The following EPHB6 variants were observed in gnomAD, a reference collection of about 807,000 sequenced individuals.
The protein encoded by EPHB6 is ephrin type-B receptor 6.
A neutral mutation model predicts 107.0 loss-of-function variants in EPHB6; 51 were observed. That is an observed-to-expected ratio of 0.48 (90% CI 0.38 to 0.60). The LOEUF is 0.60. Among genes scored for constraint, EPHB6 ranks in the 20% least tolerant of loss-of-function variants. The probability of loss-of-function intolerance (pLI) is 0.00; values close to 1 mark genes in which losing one functional copy is unlikely to be tolerated. For synonymous variants in EPHB6, 553 were observed against 549.0 expected, an observed-to-expected ratio of 1.01 and a Z score of -0.10; for missense variants, 1,141 against 1,355.5, an observed-to-expected ratio of 0.84 and a Z score of 2.48.
In EPHB6 at chr7:142,868,537, G is replaced by A. The variant is rs148376834; in HGVS notation, c.2084G>A (p.Arg695Gln). ...VRQGRLQPRG[R>Q]REQTVAIQAL... ...CAGGGCCGCCTGCAGCCACGGGGAC[G>A]GAGGGAGCAGACTGTGGCCATCCAG... Residue 695 changes from arginine (R) to glutamine (Q), a missense_variant, in exon 15 of 20, where the codon CGG becomes CAG. Around this residue, in one of 3 missense-constraint regions of EPHB6, gnomAD observed 616 missense variants for 759.3 expected, o/e 0.81. Transcript: ENST00000652003. This position sits in a 1 kb window ranked among gnomAD's most constrained non-coding sequence, Gnocchi z 4.2. 73 of 1,613,642 alleles carry A rather than the reference G, an allele frequency of 4.5e-5. No homozygotes were observed. The highest frequency in any genetic ancestry group is 1.6e-4 in the Middle Eastern group (1 of 6,084).
In EPHB6 at chr7:142,866,648, G is replaced by A. The variant is rs750492171; in HGVS notation, c.1587+43G>A. On this transcript the variant is annotated intron_variant, in intron 10 of 19. Transcript: ENST00000652003. This position sits in a 1 kb window ranked among gnomAD's most constrained non-coding sequence, Gnocchi z 5.2. ...GGGTTCCGCAGTAGGGCTGGTAGGA[G>A]CTCATAGGCCTCACAGTGGGGCCCA... 3 of 1,613,420 alleles carry A rather than the reference G, an allele frequency of 1.9e-6. No individual in the cohort carries two copies. The South Asian group carries it at 3.3e-5, about 18-fold the overall frequency.
At position 142,865,484 on chromosome 7, in the gene EPHB6, G is replaced by A. The variant is rs756409968; in HGVS notation, c.959G>A (p.Arg320Gln). The A allele has an allele frequency of 1.8e-5, 29 of 1,612,886 alleles. No individual in the cohort carries two copies. Among genetic ancestry groups the A allele is most frequent in the Admixed American group, 5.0e-5 (3 of 59,992 alleles). ...RGDKACQACP[R>Q]GLYKASAGNA... Reference sequence around the variant, plus strand: ...TCCTCTGCCTCCTCAGCCTGCCCACGGGGGCTCTATAAGGCTTCTGCTGGG... The same window carrying A: ...TCCTCTGCCTCCTCAGCCTGCCCACAGGGGCTCTATAAGGCTTCTGCTGGG... The change falls in exon 8 of 20, where the codon CGG (arginine) becomes CAG (glutamine). Residue 320 changes from arginine to glutamine, a missense_variant. Physicochemically the swap from Arg to Gln is conservative, Grantham distance 43. Transcript: ENST00000652003.
At chr7:142,865,658 G>A (rs1162685717) in intron 8 of EPHB6, 28 bp downstream of exon 8, 1 of 1,610,724 alleles carries the variant, frequency 6.2e-7, no homozygotes, top group Non-Finnish European at 8.5e-7. Context: ...CCCTGCAATG[G>A]GAAAGAGACT....
chr7:142,860,139 C>G (rs1802779901), intron 1 of EPHB6, among the ~76,000 whole-genome samples: 1 of 152,170 alleles, frequency 6.6e-6, no homozygotes, highest in African/African-American at 2.4e-5. Flanking sequence ...TGAAATATTT[C>G]CAAAATATTT....
chr7:142,867,629 C>T lies in EPHB6; in HGVS notation c.1772C>T (p.Pro591Leu), dbSNP rs752774355. Residue 591 changes from proline to leucine, a missense_variant, in exon 12 of 20, where the codon CCA becomes CTA. Physicochemically the swap from Pro to Leu is moderately conservative, Grantham distance 98. Transcript: ENST00000652003. This position sits in a 1 kb window ranked among gnomAD's most constrained non-coding sequence, Gnocchi z 5.3. ...LPQGELSSQL[P>L]ERLSLVIGSI... ...CCAGGGGAGCTGTCTTCCCAGCTTC[C>T]AGAAAGACTCTCCTTGGTGATCGGC... The T allele has an allele frequency of 2.2e-5, 35 of 1,613,084 alleles. 1 individual carries two copies. The highest frequency in any genetic ancestry group is 2.7e-5 in the Non-Finnish European group (32 of 1,179,880).
In EPHB6 at chr7:142,866,592, G is replaced by A. The variant is rs2116450321; in HGVS notation, c.1574G>A (p.Arg525His). 1.2e-6 allele frequency: 2 copies of A among 1,614,036 alleles called. No individual in the cohort carries two copies. The highest frequency in any genetic ancestry group is 1.7e-6 in the Non-Finnish European group (2 of 1,180,026). The part of the protein sequence containing the change: ...TNGNILDYQL[R>H]YYDQAEDESH... ...GGGAACATCCTGGACTATCAGCTCC[G>A]CTACTATGACCAGGTGCGCAGGAGG... The change falls in exon 10 of 20, where the codon CGC becomes CAC. Residue 525 changes from arginine (R) to histidine (H), a missense_variant. By Grantham distance (29) the Arg-to-His change is conservative. Transcript: ENST00000652003. This position sits in a 1 kb window ranked among gnomAD's most constrained non-coding sequence, Gnocchi z 5.2.
In EPHB6 at chr7:142,866,750, C is replaced by T; in HGVS notation, c.1587+145C>T. On this transcript the variant is annotated intron_variant, in intron 10 of 19. Transcript: ENST00000652003. This position sits in a 1 kb window ranked among gnomAD's most constrained non-coding sequence, Gnocchi z 5.2. ...GAGCTCACAGTCCCCACAGTAGGGG[C>T]CAGAGGCTGAATGGGCAAGGAGAGG... 2 of 1,575,114 alleles carry T rather than the reference C, an allele frequency of 1.3e-6. No individual in the cohort carries two copies. Among genetic ancestry groups the T allele is most frequent in the East Asian group, 4.5e-5 (2 of 44,606 alleles).
rs1794650924 is a variant in EPHB6, at chr7:142,867,282, A to G, written c.1750+214A>G. 1 of 652,664 alleles carries G rather than the reference A, an allele frequency of 1.5e-6. No individual in the cohort carries two copies. 40.4% of individuals were successfully genotyped at this position (652,664 alleles called of 1,614,324 possible). On this transcript the variant is annotated intron_variant, in intron 11 of 19. Coordinates refer to ENST00000652003, the MANE Select transcript of EPHB6 (RefSeq NM_004445.6). The surrounding 1 kb of genome is among the most constrained non-coding windows in gnomAD (Gnocchi z 5.3). The stretch of plus-strand genomic sequence containing the variant: ...ATGTATGCATGTTGAGTGTGGATAT[A>G]GGAGGGCTGTGGGGATGTGTGTGTG...
In EPHB6 at chr7:142,867,148, T is replaced by C; in HGVS notation, c.1750+80T>C. The stretch of plus-strand genomic sequence containing the variant: ...GAGAGGCCCAGGGACTGTCCGGCCT[T>C]GAACCCTGGCCCCGTGCTTCCCAAC... On this transcript the variant is annotated intron_variant, in intron 11 of 19. Transcript: ENST00000652003. This position sits in a 1 kb window ranked among gnomAD's most constrained non-coding sequence, Gnocchi z 5.3. 1 of 1,531,340 alleles carries C rather than the reference T, an allele frequency of 6.5e-7. No homozygotes were observed. 94.9% of individuals were successfully genotyped at this position (1,531,340 alleles called of 1,614,324 possible).
chr7:142,868,079 C>T lies in EPHB6; in HGVS notation c.1918+30C>T, dbSNP rs1369441226. On this transcript the variant is annotated intron_variant, in intron 13 of 19. Coordinates refer to ENST00000652003, the MANE Select transcript of EPHB6 (RefSeq NM_004445.6). The surrounding 1 kb of genome is among the most constrained non-coding windows in gnomAD (Gnocchi z 4.2). ...GGATGAGGAGAGGAAATGGGTGGGGCTGGGGAACACATGGGTGGGGCACAT... is the reference window on the plus strand; with the variant it reads ...GGATGAGGAGAGGAAATGGGTGGGGTTGGGGAACACATGGGTGGGGCACAT... The T allele has an allele frequency of 6.2e-7, 1 of 1,611,714 alleles. No homozygotes were observed. The highest frequency in any genetic ancestry group is 1.3e-5 in the African/African-American group (1 of 74,980).
chr7:142,867,682 C>T lies in EPHB6; in HGVS notation c.1825C>T (p.Leu609=), dbSNP rs771247082. 1.2e-6 allele frequency: 2 copies of T among 1,613,484 alleles called. No homozygotes were observed. The highest frequency in any genetic ancestry group is 1.7e-6 in the Non-Finnish European group (2 of 1,179,948). Residue 609 remains leucine (L), a synonymous_variant, in exon 12 of 20, where the codon CTG becomes TTG. Transcript: ENST00000652003. This position sits in a 1 kb window ranked among gnomAD's most constrained non-coding sequence, Gnocchi z 5.3. The stretch of plus-strand genomic sequence containing the variant: ...CATCCTGGGGGCTTTGGCCTTCCTC[C>T]TGCTGGCAGCCATCACCGTGCTGGC... ...GSILGALAFL[L]LAAITVLAVV... is the part of the protein sequence containing the mutation.
In EPHB6 at chr7:142,866,849, G is replaced by C; in HGVS notation, c.1588-57G>C. 1 of 1,613,636 alleles carries C rather than the reference G, an allele frequency of 6.2e-7. No homozygotes were observed. On this transcript the variant is annotated intron_variant, in intron 10 of 19. Transcript: ENST00000652003. This position sits in a 1 kb window ranked among gnomAD's most constrained non-coding sequence, Gnocchi z 5.2. ...CAGGGAGGGTGGCTGGGGGCCTTAG[G>C]GGCAGAAGCAGGGGCAAGAGGGGGC...
In EPHB6 at chr7:142,869,212, C is replaced by T. The variant is rs1006479636; in HGVS notation, c.2460+65C>T. The T allele has an allele frequency of 1.5e-5, 23 of 1,565,740 alleles. No individual in the cohort carries two copies. The highest frequency in any genetic ancestry group is 2.3e-5 in the East Asian group (1 of 44,366). On this transcript the variant is annotated intron_variant, in intron 16 of 19. Coordinates refer to ENST00000652003, the MANE Select transcript of EPHB6 (RefSeq NM_004445.6). The surrounding 1 kb of genome is among the most constrained non-coding windows in gnomAD (Gnocchi z 4.5). ...GGCATGCCCCAGCAGGTGCTGGGGT[C>T]GGGGGTGAGCTGGAATCTGGGGTAG...
Position 142,866,437 on chromosome 7 carries a change from C to CA in EPHB6, c.1463-44_1463-43insA. 6.2e-7 allele frequency: 1 copy of CA among 1,613,564 alleles called. No individual in the cohort carries two copies. ...CCTCCCCTCAAGGCTGATCCTGCTC[C>CA]CAGGGACTCCTATCCCCATAATAAT... On this transcript the variant is annotated intron_variant, in intron 9 of 19. Transcript: ENST00000652003. This position sits in a 1 kb window ranked among gnomAD's most constrained non-coding sequence, Gnocchi z 5.2.
rs776275211 is a variant in EPHB6 at position 142,870,391 on chromosome 7, G to A, written c.2788G>A (p.Gly930Arg). 5.0e-6 allele frequency: 8 copies of A among 1,613,970 alleles called. No homozygotes were observed. Among genetic ancestry groups the A allele is most frequent in the African/African-American group, 4.0e-5 (3 of 74,926 alleles). ...IRKPDTLQAG[G>R]DPGERPSQAL... ...CAAGCCAGATACCCTGCAGGCTGGCGGGGACCCAGGGGAAAGGTCTGGAGC... is the reference window on the plus strand; with the variant it reads ...CAAGCCAGATACCCTGCAGGCTGGCAGGGACCCAGGGGAAAGGTCTGGAGC... The change falls in exon 18 of 20, where the codon GGG becomes AGG. Residue 930 changes from glycine (G) to arginine (R), a missense_variant. Physicochemically the swap from Gly to Arg is moderately radical, Grantham distance 125 (BLOSUM62 -2). Transcript: ENST00000652003.
At position 142,866,336 on chromosome 7, in the gene EPHB6, C is replaced by G; in HGVS notation, c.1462+20C>G. On this transcript the variant is annotated intron_variant, in intron 9 of 19. Coordinates refer to ENST00000652003, the MANE Select transcript of EPHB6 (RefSeq NM_004445.6). This position sits in a 1 kb window ranked among gnomAD's most constrained non-coding sequence, Gnocchi z 5.2. ...ATGAAGGTGAGCTCTTTTCCTTGGC[C>G]TTCAGGATCCCCTGCCTCCGCTCCT... 6.2e-7 allele frequency: 1 copy of G among 1,613,428 alleles called. No homozygotes were observed. The highest frequency in any genetic ancestry group is 8.5e-7 in the Non-Finnish European group (1 of 1,179,862).
rs1794776081 is a variant in EPHB6 at position 142,869,208 on chromosome 7, G to A, written c.2460+61G>A. 1 of 1,582,454 alleles carries A rather than the reference G, an allele frequency of 6.3e-7. No homozygotes were observed. Among genetic ancestry groups the A allele is most frequent in the Non-Finnish European group, 8.6e-7 (1 of 1,160,532 alleles). ...TTGTGGCATGCCCCAGCAGGTGCTG[G>A]GGTCGGGGGTGAGCTGGAATCTGGG... is the stretch of plus-strand genomic sequence containing the variant. On this transcript the variant is annotated intron_variant, in intron 16 of 19. Coordinates refer to ENST00000652003, the MANE Select transcript of EPHB6 (RefSeq NM_004445.6). This position sits in a 1 kb window ranked among gnomAD's most constrained non-coding sequence, Gnocchi z 4.5.
At position 142,870,577 on chromosome 7, in the gene EPHB6, T is replaced by C. The variant is rs751308625; in HGVS notation, c.2852T>C (p.Leu951Pro). ...LTPVALDFPC[L>P]DSPQAWLSAI... ...CCTGTGGCCCTGGACTTTCCTTGTC[T>C]GGACTCACCCCAGGCCTGGCTTTCA... is the stretch of plus-strand genomic sequence containing the variant. Residue 951 changes from leucine to proline, a missense_variant, in exon 19 of 20, where the codon CTG (leucine) becomes CCG (proline). Transcript: ENST00000652003. 7.4e-6 allele frequency: 12 copies of C among 1,614,130 alleles called. No individual in the cohort carries two copies. The highest frequency in any genetic ancestry group is 8.5e-7 in the Non-Finnish European group (1 of 1,180,048).
In EPHB6 at chr7:142,868,531, G is replaced by T; in HGVS notation, c.2078G>T (p.Arg693Leu). ...GTGCGCCAGGGCCGCCTGCAGCCAC[G>T]GGGACGGAGGGAGCAGACTGTGGCC... ...GEVRQGRLQPRGRREQTVAIQ... is the reference protein window; with the variant it reads ...GEVRQGRLQPLGRREQTVAIQ... Residue 693 changes from arginine to leucine, a missense_variant, in exon 15 of 20, where the codon CGG becomes CTG. Coordinates refer to ENST00000652003, the MANE Select transcript of EPHB6 (RefSeq NM_004445.6). The surrounding 1 kb of genome is among the most constrained non-coding windows in gnomAD (Gnocchi z 4.2). 6.2e-7 allele frequency: 1 copy of T among 1,613,756 alleles called. No individual in the cohort carries two copies. The highest frequency in any genetic ancestry group is 8.5e-7 in the Non-Finnish European group (1 of 1,180,018).
Sources: allele counts gnomAD v4.1 joint callset (sites outside exome capture counted in the v4.1 genomes callset), GRCh38; gene constraint gnomAD v4.1.1; regional missense constraint gnomAD v4.1.1; non-coding constraint Gnocchi (gnomAD v3.1); transcripts MANE v1.5; gene names NCBI Gene and HGNC (gene_info 2026-07-23, HGNC 2026-07-21).